RRP15: variants seen among roughly 807,000 people sequenced by gnomAD.
RRP15 encodes the protein RRP15-like protein.
A neutral mutation model predicts 27.1 loss-of-function variants in RRP15; 18 were observed. The observed-to-expected ratio is 0.66, with a 90% confidence interval of 0.46 to 0.98. The LOEUF is 0.98. Ranked by LOEUF, RRP15 falls within the 50% of genes least tolerant of loss-of-function variation. RRP15 has a pLI of 0.00. For synonymous variants in RRP15, 107 were observed against 109.4 expected, an observed-to-expected ratio of 0.98 and a Z score of 0.14; for missense variants, 359 against 337.8, an observed-to-expected ratio of 1.06 and a Z score of -0.49.
intron 1 of RRP15, 52 bp from the exon 2 acceptor site, chr1:218,302,242 C>A: frequency 2.1e-6 from 3 of 1,443,330 alleles, no homozygotes; most frequent in Non-Finnish European, 2.9e-6. Flanking sequence ...GCCTTGGCAG[C>A]CTCTGCCTAG....
chr1:218,336,370 CATT>C lies in RRP15; in HGVS notation c.*5282_*5284del, dbSNP rs1204586478. Reference sequence around the variant, plus strand: ...AATAATAGTTTCTCTAACCCTGAATCATTATCCTGCATTTTTAATGCAATCGGT... The same window carrying C: ...AATAATAGTTTCTCTAACCCTGAATCATCCTGCATTTTTAATGCAATCGGT... On this transcript the variant is annotated 3_prime_UTR_variant, in exon 5 of 5. Transcript: ENST00000366932. 2 of 152,592 alleles carry C rather than the reference CATT, an allele frequency of 1.3e-5. No homozygotes were observed. The highest frequency in any genetic ancestry group is 4.8e-5 in the African/African-American group (2 of 41,422). 9.5% of individuals were successfully genotyped at this position (152,592 alleles called of 1,614,324 possible). A position where few individuals can be genotyped will look rare whatever the true frequency, so the allele number is the denominator to read the frequency against.
At chr1:218,313,103 C>T (rs1656028508) in intron 4 of RRP15, among the ~76,000 whole-genome samples, 2 of 152,064 alleles carry the variant, frequency 1.3e-5, no homozygotes, top group South Asian at 4.2e-4. Flanking sequence ...TAAGGAGGTA[C>T]ATGTAGAGGT....
At chr1:218,285,640 A>G (rs1655533795) in intron 1 of RRP15, among the ~76,000 whole-genome samples, 185 bp downstream of exon 1, 1 of 152,144 alleles carries the variant, frequency 6.6e-6, no homozygotes, top group Non-Finnish European at 1.5e-5. Context: ...AACGCTGTCA[A>G]CTGTAATTTT....
intron 1 of RRP15, among the ~76,000 whole-genome samples, chr1:218,295,243 A>G (rs1655701358): frequency 6.6e-6 from 1 of 152,154 alleles, no homozygotes; most frequent in Non-Finnish European, 1.5e-5. Context: ...TCCTTGAGCT[A>G]CTCAGATTTA....
intron 1 of RRP15, among the ~76,000 whole-genome samples, chr1:218,288,814 T>C (rs1376637943): frequency 6.6e-6 from 1 of 152,228 alleles, no homozygotes; most frequent in Non-Finnish European, 1.5e-5. Flanking sequence ...AGGGACATTT[T>C]TGTGTTCAGA....
At chr1:218,298,812 A>G (rs79766755) in intron 1 of RRP15, among the ~76,000 whole-genome samples, 1 of 152,186 alleles carries the variant, frequency 6.6e-6, no homozygotes, top group Non-Finnish European at 1.5e-5. Flanking sequence ...GCTAGTGGCT[A>G]CTGAGCAGCT....
At chr1:218,287,041 C>T (rs1399616108) in intron 1 of RRP15, among the ~76,000 whole-genome samples, 2 of 151,936 alleles carry the variant, frequency 1.3e-5, no homozygotes, top group African/African-American at 2.4e-5. Context: ...GCAACCTTGA[C>T]CTCCTCCCCC....
chr1:218,330,405 CTAAA>C (rs1426368342), intron 4 of RRP15, among the ~76,000 whole-genome samples: 4 of 152,096 alleles, frequency 2.6e-5, no homozygotes, highest in Non-Finnish European at 5.9e-5. Flanking sequence ...AGCTCATAAC[CTAAA>C]TAAAGAACAT....
At chr1:218,325,763 T>G (rs1656261222) in intron 4 of RRP15, among the ~76,000 whole-genome samples, 1 of 152,208 alleles carries the variant, frequency 6.6e-6, no homozygotes, top group South Asian at 2.1e-4. Context: ...TGTTAAAGTA[T>G]TTTATTAATT....
At chr1:218,329,389 C>T (rs1002297679) in intron 4 of RRP15, among the ~76,000 whole-genome samples, 3 of 152,056 alleles carry the variant, frequency 2.0e-5, no homozygotes, top group African/African-American at 7.2e-5. Context: ...CACTGCACTC[C>T]AGCCTGGGTG....
intron 3 of RRP15, 122 bp downstream of exon 3, chr1:218,305,247 C>G: frequency 1.5e-6 from 1 of 666,712 alleles, no homozygotes. Flanking sequence ...TATATCTAAG[C>G]CTGCCTGTTC....
chr1:218,328,389 A>G (rs558902458), intron 4 of RRP15, among the ~76,000 whole-genome samples: 74 of 152,262 alleles, frequency 4.9e-4, no homozygotes, highest in South Asian at 1.7e-3. Flanking sequence ...TGGGCTGGGC[A>G]CGGTGGCTCA....
intron 3 of RRP15, among the ~76,000 whole-genome samples, chr1:218,306,549 C>T (rs1655901725): frequency 6.6e-6 from 1 of 151,896 alleles, no homozygotes; most frequent in African/African-American, 2.4e-5. Context: ...TGCTCAAGGC[C>T]CAATAATTAT....
At chr1:218,303,008 C>T (rs1336986604) in intron 2 of RRP15, among the ~76,000 whole-genome samples, 2 of 151,906 alleles carry the variant, frequency 1.3e-5, no homozygotes, top group African/African-American at 2.4e-5. Flanking sequence ...CGGATTATTT[C>T]AGTGTTAGAT....
chr1:218,307,418 T>A lies in RRP15; in HGVS notation c.504-13T>A. On this transcript the variant is annotated splice_polypyrimidine_tract_variant and intron_variant, in intron 3 of 4. Coordinates refer to ENST00000366932, the MANE Select transcript of RRP15 (RefSeq NM_016052.4). ...TATTTAATACATCATTCTGGTCATT[T>A]TATATTCTACAGGGGTGTGGTGCAA... 6.2e-7 allele frequency: 1 copy of A among 1,604,198 alleles called. No individual in the cohort carries two copies. The highest frequency in any genetic ancestry group is 2.2e-5 in the East Asian group (1 of 44,736).
rs1372224446 is a variant in RRP15, at chr1:218,333,466, G to A, written c.*2375G>A. The A allele has an allele frequency of 2.0e-5, 3 of 152,054 alleles. No homozygotes were observed. Among genetic ancestry groups the A allele is most frequent in the Non-Finnish European group, 2.9e-5 (2 of 68,018 alleles). The allele number at this position is 152,054 out of a possible 1,614,324, so 9.4% of individuals were successfully genotyped here. A position where few individuals can be genotyped will look rare whatever the true frequency, so the allele number is the denominator to read the frequency against. ...GATATCAATCAGATAAATAATCCGA[G>A]TGTATTTCATCTTTCTACATTGTCT... On this transcript the variant is annotated 3_prime_UTR_variant, in exon 5 of 5. Coordinates refer to ENST00000366932, the MANE Select transcript of RRP15 (RefSeq NM_016052.4).
At chr1:218,307,037 A>G (rs1655910626) in intron 3 of RRP15, among the ~76,000 whole-genome samples, 1 of 152,220 alleles carries the variant, frequency 6.6e-6, no homozygotes, top group Non-Finnish European at 1.5e-5. Context: ...TTTTTAAAAT[A>G]AGTATTTTTT....
chr1:218,307,528 T>C lies in RRP15; in HGVS notation c.601T>C (p.Leu201=), dbSNP rs145529858. 6.2e-7 allele frequency: 1 copy of C among 1,613,996 alleles called. No individual in the cohort carries two copies. The change falls in exon 4 of 5, where the codon TTG becomes CTG. Residue 201 remains leucine (L), a synonymous_variant. Coordinates refer to ENST00000366932, the MANE Select transcript of RRP15 (RefSeq NM_016052.4). ...AGSSMRKRAK[L]ISTVSKKDFI... ...AAGTTCTATGAGAAAGCGTGCTAAG[T>C]TGATATCAACTGTTTCCAAGAAAGA...
At chr1:218,291,340 G>A (rs1168995787) in intron 1 of RRP15, among the ~76,000 whole-genome samples, 1 of 151,650 alleles carries the variant, frequency 6.6e-6, no homozygotes, top group Non-Finnish European at 1.5e-5. Context: ...AGCTACTTGT[G>A]AGGCTAAGGC....
Sources: gnomAD v4.1 joint callset for allele counts (sites outside exome capture counted in the v4.1 genomes callset) on GRCh38, gnomAD v4.1.1 for gene constraint, MANE v1.5 for transcripts, NCBI Gene and HGNC (gene_info 2026-07-23, HGNC 2026-07-21) for gene names.